The following FAAH2 variants were observed in gnomAD, a reference collection of about 807,000 sequenced individuals.
FAAH2 encodes fatty acid amide hydrolase 2, also known as fatty-acid amide hydrolase 2.
In FAAH2, 60 loss-of-function variants were observed where a neutral mutation model predicts 36.9. The observed-to-expected ratio is 1.63, with a 90% CI of 1.32 to 2.02. The LOEUF (loss-of-function observed/expected upper bound fraction) is 2.02. Among genes scored for constraint, FAAH2 ranks in the 30% most tolerant of loss-of-function variants. The probability of loss-of-function intolerance (pLI) is 0.00; values close to 1 mark genes in which losing one functional copy is unlikely to be tolerated. For synonymous variants in FAAH2, 214 were observed against 143.8 expected (o/e 1.49, Z -3.49); for missense variants, 689 against 397.5 (o/e 1.73, Z -6.23).
At chrX:57,292,877 C>T (rs753816507) in intron 2 of FAAH2, among the ~76,000 whole-genome samples, 4 of 111,653 alleles carry the variant, frequency 3.6e-5, no homozygotes, top group Admixed American at 9.5e-5. Flanking sequence ...CATCATTGAA[C>T]ATTTACTGAA....
chrX:57,355,275 A>G (rs2054131535), intron 5 of FAAH2, among the ~76,000 whole-genome samples: 2 of 110,760 alleles, frequency 1.8e-5, no homozygotes, highest in Non-Finnish European at 3.8e-5. Flanking sequence ...TTTTTTTAGT[A>G]AGATAACAGA....
the FAAH2 span, among the ~76,000 whole-genome samples, chrX:57,183,729 A>G: frequency 2.6e-4 from 29 of 111,399 alleles, no homozygotes; most frequent in Non-Finnish European, 4.3e-4. Context: ...TTGTGTTTGG[A>G]CAATATGAAA....
chrX:57,313,372 C>G (rs900979419), intron 3 of FAAH2, among the ~76,000 whole-genome samples: 4 of 108,350 alleles, frequency 3.7e-5, no homozygotes, highest in Non-Finnish European at 5.7e-5. Context: ...ACATGCAAAT[C>G]AAAGTGGTAC....
At chrX:57,233,834 A>T in the FAAH2 span, among the ~76,000 whole-genome samples, 1 of 112,155 alleles carries the variant, frequency 8.9e-6, no homozygotes, top group Non-Finnish European at 1.9e-5. Flanking sequence ...TTGTGGAGAT[A>T]GGGTTTTGCC....
At chrX:57,174,142 T>G in the FAAH2 span, among the ~76,000 whole-genome samples, 1 of 111,601 alleles carries the variant, frequency 9.0e-6, no homozygotes, top group Non-Finnish European at 1.9e-5. Flanking sequence ...TTACTGGAAT[T>G]GATACCAACT....
intron 3 of FAAH2, among the ~76,000 whole-genome samples, chrX:57,327,384 C>T (rs2053248586): frequency 9.1e-6 from 1 of 110,456 alleles, no homozygotes; most frequent in East Asian, 2.8e-4. Flanking sequence ...TGAATGATGG[C>T]CTGCCTTGCT....
chrX:57,465,777 A>T (rs892847565), intron 10 of FAAH2, among the ~76,000 whole-genome samples: 5 of 111,193 alleles, frequency 4.5e-5, no homozygotes, highest in Non-Finnish European at 7.6e-5. Flanking sequence ...ATTACAAAAG[A>T]CATAATAATT....
rs56161888 is a variant in FAAH2, at chrX:57,310,605, G to A, written c.288G>A (p.Ala96=). ...NGIVKYRFEE[A]MKEAHAVDQK... Reference sequence around the variant, plus strand: ...TATTTCTTCTTAGGTTTGAGGAAGCGATGAAGGAGGCTCATGCTGTAGATC... The same window carrying A: ...TATTTCTTCTTAGGTTTGAGGAAGCAATGAAGGAGGCTCATGCTGTAGATC... The change falls in exon 3 of 11, where the codon GCG becomes GCA. Residue 96 remains alanine, a synonymous_variant. Coordinates refer to ENST00000374900, the MANE Select transcript of FAAH2 (RefSeq NM_174912.4). 1.7e-4 allele frequency: 200 copies of A among 1,201,479 alleles called. No homozygotes were observed. The highest frequency in any genetic ancestry group is 2.0e-4 in the Non-Finnish European group (182 of 892,426).
At chrX:57,422,085 A>G (rs186313924) in intron 7 of FAAH2, among the ~76,000 whole-genome samples, 1 of 111,778 alleles carries the variant, frequency 8.9e-6, no homozygotes, top group Non-Finnish European at 1.9e-5. Flanking sequence ...ATAGGAAAAA[A>G]AAAACATTCT....
intron 4 of FAAH2, among the ~76,000 whole-genome samples, chrX:57,336,069 A>G (rs779201205): frequency 2.2e-4 from 25 of 111,551 alleles, no homozygotes; most frequent in Non-Finnish European, 3.8e-4. Flanking sequence ...AAGCTAAGCC[A>G]TCATATCCCC....
Position 57,448,559 on chromosome X carries a change from A to C in FAAH2, c.1264A>C (p.Asn422His). The change falls in exon 10 of 11, where the codon AAT (asparagine) becomes CAT (histidine). Residue 422 changes from asparagine (N) to histidine (H), a missense_variant. Transcript: ENST00000374900. ...ALLEEKLRYS[N>H]EKYQKFKAVE... ...GTTGGAAGAAAAGCTCAGATATAGC[A>C]ATGAGAAATACCAAAAGTTTAAGGC... The C allele has an allele frequency of 8.3e-7, 1 of 1,211,478 alleles. No individual in the cohort carries two copies. Among genetic ancestry groups the C allele is most frequent in the Non-Finnish European group, 1.1e-6 (1 of 895,467 alleles).
chrX:57,181,875 C>G, the FAAH2 span, among the ~76,000 whole-genome samples: 1 of 111,646 alleles, frequency 9.0e-6, no homozygotes, highest in Non-Finnish European at 1.9e-5. Context: ...GGTACACAAA[C>G]AAAAACATAG....
chrX:57,180,038 G>A, the FAAH2 span, among the ~76,000 whole-genome samples: 1 of 111,875 alleles, frequency 8.9e-6, no homozygotes, highest in Non-Finnish European at 1.9e-5. Flanking sequence ...ATGAAATTAG[G>A]CAGGTCGCAA....
chrX:57,160,395 G>A, the FAAH2 span, among the ~76,000 whole-genome samples: 1 of 111,923 alleles, frequency 8.9e-6, no homozygotes, highest in African/African-American at 3.2e-5. Context: ...CTATTGATTG[G>A]AATTGTTTCA....
At chrX:57,253,196 C>A in the FAAH2 span, among the ~76,000 whole-genome samples, 1 of 108,996 alleles carries the variant, frequency 9.2e-6, no homozygotes, top group Non-Finnish European at 1.9e-5. Context: ...TGAAATAAAG[C>A]CAGAAGACAA....
chrX:57,408,536 T>A (rs1196649081), intron 7 of FAAH2, among the ~76,000 whole-genome samples: 2 of 27,267 alleles, frequency 7.3e-5, no homozygotes, highest in Admixed American at 7.6e-4. Context: ...ATTTGCATGC[T>A]ATTTATTTAT....
intron 7 of FAAH2, among the ~76,000 whole-genome samples, chrX:57,425,684 TA>T (rs1431624387): frequency 8.9e-6 from 1 of 111,807 alleles, no homozygotes; most frequent in Non-Finnish European, 1.9e-5. Flanking sequence ...ATCATGACTA[TA>T]CTCGTTCTAC....
At chrX:57,374,909 T>C (rs780974942) in intron 5 of FAAH2, among the ~76,000 whole-genome samples, 1 of 111,781 alleles carries the variant, frequency 8.9e-6, no homozygotes, top group African/African-American at 3.2e-5. Context: ...CTGAGGGTTT[T>C]AATCATGAAT....
intron 4 of FAAH2, among the ~76,000 whole-genome samples, chrX:57,340,085 C>A (rs113988331): frequency 0.013 from 1,429 of 111,787 alleles, 21 homozygotes; most frequent in African/African-American, 0.044. Flanking sequence ...GCTGACAATG[C>A]AGCCTTTAAT....
Sources: gnomAD v4.1 joint callset for allele counts (sites outside exome capture counted in the v4.1 genomes callset) on GRCh38, gnomAD v4.1.1 for gene constraint, MANE v1.5 for transcripts, NCBI Gene and HGNC (gene_info 2026-07-23, HGNC 2026-07-21) for gene names.